The following SCN11A variants were observed in gnomAD, a reference collection of about 807,000 sequenced individuals.
SCN11A encodes sodium voltage-gated channel alpha subunit 11.
Under a neutral mutation model 162.2 loss-of-function variants are expected in SCN11A, and 122 were observed. The observed-to-expected ratio is 0.75, with a 90% CI of 0.65 to 0.87. The LOEUF (loss-of-function observed/expected upper bound fraction) is 0.87. Among genes scored for constraint, SCN11A ranks in the 40% least tolerant of loss-of-function variants. The probability of loss-of-function intolerance (pLI) is 0.00; values close to 1 mark genes in which losing one functional copy is unlikely to be tolerated. For synonymous variants in SCN11A, 758 were observed against 751.5 expected (o/e 1.01, Z -0.14); for missense variants, 2,015 against 2,181.6 (o/e 0.92, Z 1.52).
chr3:39,000,229 G>A (rs192864438), intron 2 of SCN11A, among the ~76,000 whole-genome samples: 1 of 152,324 alleles, frequency 6.6e-6, no homozygotes, highest in East Asian at 1.9e-4. Context: ...GCTTAGCTTA[G>A]CTTTGTAAGA....
rs1227904147 is a variant in SCN11A, at chr3:38,947,423, C to T, written c.268-516G>A. 2.6e-5 allele frequency among the ~76,000 whole-genome samples: 4 copies of T among 152,216 alleles called. No individual in the cohort carries two copies. In the East Asian group the frequency reaches 7.7e-4, roughly 29 times the overall value. Reference sequence around the variant, plus strand: ...TCCTGGATTTGCTCTTTCTTTACCTCTGTGGACATAGGGGCAAATTTCCCT... The same window carrying T: ...TCCTGGATTTGCTCTTTCTTTACCTTTGTGGACATAGGGGCAAATTTCCCT... On this transcript the variant is annotated intron_variant, in intron 5 of 29. Transcript: ENST00000302328.
intron 7 of SCN11A, among the ~76,000 whole-genome samples, chr3:38,944,604 G>A (rs2066488367): frequency 6.6e-6 from 1 of 151,824 alleles, no homozygotes; most frequent in Non-Finnish European, 1.5e-5. Context: ...GGCATTACAG[G>A]CATGAGCCAC....
chr3:38,850,018 ACAGC>A (rs34859497), intron 29 of SCN11A: 36,533 of 160,426 alleles, frequency 0.23, 4,314 homozygotes, highest in Admixed American at 0.25. Flanking sequence ...GAAAGGGGGC[ACAGC>A]AGTGCCACAG....
At chr3:39,021,352 G>T (rs1293818967) in intron 2 of SCN11A, among the ~76,000 whole-genome samples, 2 of 152,148 alleles carry the variant, frequency 1.3e-5, no homozygotes, top group Non-Finnish European at 2.9e-5. Flanking sequence ...GTTTTAGTTT[G>T]CTTAGGAACT....
At chr3:38,897,848 C>T (rs1303235452) in intron 17 of SCN11A, among the ~76,000 whole-genome samples, 8 of 152,030 alleles carry the variant, frequency 5.3e-5, no homozygotes, top group South Asian at 2.1e-4. Context: ...ATATACCAAG[C>T]GTCAGCGAAC....
chr3:38,965,946 C>T (rs939227663), intron 2 of SCN11A, among the ~76,000 whole-genome samples: 6 of 151,856 alleles, frequency 4.0e-5, no homozygotes, highest in African/African-American at 1.5e-4. Context: ...TGCCACTTTA[C>T]ACCACCTTAG....
At position 38,950,175 on chromosome 3, in the gene SCN11A, G is replaced by A; in HGVS notation, c.188C>T (p.Pro63Leu). ...ACGAGGAATGTCGCCATAGAGCTTG[G>A]GCAACTTCCTGGAGGCCTTTAGGTC... is the stretch of plus-strand genomic sequence containing the variant. ...QLDLKASRKLPKLYGDIPREL... is the reference protein window; with the variant it reads ...QLDLKASRKLLKLYGDIPREL... The change falls in exon 5 of 30, where the codon CCC (proline) becomes CTC (leucine). Residue 63 changes from proline to leucine, a missense_variant. Coordinates refer to ENST00000302328, the MANE Select transcript of SCN11A (RefSeq NM_001349253.2). The A allele has an allele frequency of 6.2e-6, 10 of 1,612,644 alleles. No homozygotes were observed. Among genetic ancestry groups the A allele is most frequent in the Non-Finnish European group, 6.8e-6 (8 of 1,179,864 alleles).
chr3:39,001,492 T>C (rs1275541456), intron 2 of SCN11A, among the ~76,000 whole-genome samples: 2 of 152,260 alleles, frequency 1.3e-5, no homozygotes, highest in Non-Finnish European at 2.9e-5. Context: ...TTCTATTGGA[T>C]GTATATAACA....
Position 38,950,063 on chromosome 3 carries a change from A to AAC in SCN11A, c.267+32_267+33insGT. The stretch of plus-strand genomic sequence containing the variant: ...ACAACTGCATGGTTAGAACACCCCC[A>AAC]CCCCCACCCCCCCCCCCCGCCCAAT... On this transcript the variant is annotated intron_variant, in intron 5 of 29. Transcript: ENST00000302328. 39 of 62,396 alleles carry AAC rather than the reference A, an allele frequency of 6.3e-4. 1 individual carries two copies. The highest frequency in any genetic ancestry group is 2.9e-3 in the South Asian group (14 of 4,812). The allele number at this position is 62,396 out of a possible 1,614,324, so 3.9% of individuals were successfully genotyped here. A position where few individuals can be genotyped will look rare whatever the true frequency, so the allele number is the denominator to read the frequency against.
intron 7 of SCN11A, among the ~76,000 whole-genome samples, chr3:38,943,452 A>G (rs1168957861): frequency 6.6e-6 from 1 of 152,202 alleles, no homozygotes; most frequent in Non-Finnish European, 1.5e-5. Flanking sequence ...CATTTATTCA[A>G]TTTGCATTCA....
intron 5 of SCN11A, 82 bp downstream of exon 5, chr3:38,950,014 T>C (rs1167783468): frequency 1.2e-6 from 1 of 837,230 alleles, no homozygotes; most frequent in East Asian, 2.8e-5. Context: ...AAGAGTGGTG[T>C]TTGGAGAACC....
intron 1 of SCN11A, among the ~76,000 whole-genome samples, chr3:39,038,278 A>G (rs2031958127): frequency 2.6e-5 from 4 of 152,178 alleles, no homozygotes; most frequent in Admixed American, 2.6e-4. Flanking sequence ...TGCAGTCAAG[A>G]TGTTATCTGA....
At chr3:38,980,086 G>A (rs987762147) in intron 2 of SCN11A, among the ~76,000 whole-genome samples, 1 of 152,184 alleles carries the variant, frequency 6.6e-6, no homozygotes, top group African/African-American at 2.4e-5. Flanking sequence ...GAACCTGAGC[G>A]ACTCAGTGTT....
In SCN11A at chr3:38,897,074, C is replaced by A; in HGVS notation, c.2174G>T (p.Arg725Leu). ...FSVVGMQLFG[R>L]SFNSQKSPKL... Reference sequence around the variant, plus strand: ...TGGACTCTTTTGGGAATTGAAGCTACGGCCAAAAAGCTGCATGCCAACTAC... The same window carrying A: ...TGGACTCTTTTGGGAATTGAAGCTAAGGCCAAAAAGCTGCATGCCAACTAC... Residue 725 changes from arginine to leucine, a missense_variant, in exon 18 of 30, where the codon CGT (arginine) becomes CTT (leucine). Transcript: ENST00000302328. The A allele has an allele frequency of 6.2e-7, 1 of 1,614,064 alleles. No homozygotes were observed. Among genetic ancestry groups the A allele is most frequent in the Non-Finnish European group, 8.5e-7 (1 of 1,180,010 alleles).
Position 38,859,620 on chromosome 3 carries a change from G to C in SCN11A, c.4056+3575C>G, listed in dbSNP as rs2064930297. Among the ~76,000 whole-genome samples the C allele has an allele frequency of 2.0e-5, 3 of 152,004 alleles. No homozygotes were observed. In the South Asian group the frequency reaches 6.2e-4, roughly 32 times the overall value. ...AGAATTGGTACCAGTCCTACTTATG[G>C]AACCGCATTTGCAAAATTATAACTG... On this transcript the variant is annotated intron_variant, in intron 28 of 29. Transcript: ENST00000302328.
chr3:38,890,449 T>G (rs1312027212), intron 19 of SCN11A, among the ~76,000 whole-genome samples: 1 of 152,136 alleles, frequency 6.6e-6, no homozygotes, highest in East Asian at 1.9e-4. Context: ...GATTGGTAGC[T>G]CTCCTTCATT....
chr3:38,957,455 C>T (rs1437205600), intron 3 of SCN11A, among the ~76,000 whole-genome samples: 1 of 152,134 alleles, frequency 6.6e-6, no homozygotes, highest in East Asian at 1.9e-4. Context: ...CTCCCAATCC[C>T]CTTGGGCCAT....
intron 2 of SCN11A, among the ~76,000 whole-genome samples, chr3:39,012,235 G>C (rs1218169239): frequency 6.6e-6 from 1 of 152,100 alleles, no homozygotes; most frequent in Non-Finnish European, 1.5e-5. Flanking sequence ...TGAGGCAGGA[G>C]AATCGCTTGA....
chr3:38,861,711 C>T (rs1179957473), intron 28 of SCN11A, among the ~76,000 whole-genome samples: 1 of 152,064 alleles, frequency 6.6e-6, no homozygotes, highest in Non-Finnish European at 1.5e-5. Flanking sequence ...AAGCCAGATC[C>T]TCATCTCTCA....
Sources: gnomAD v4.1 joint callset for allele counts (sites outside exome capture counted in the v4.1 genomes callset) on GRCh38, gnomAD v4.1.1 for gene constraint, MANE v1.5 for transcripts, NCBI Gene and HGNC (gene_info 2026-07-23, HGNC 2026-07-21) for gene names.